Variants in KLF12 observed in about 807,000 individuals in gnomAD.
KLF12 encodes the protein Krueppel-like factor 12.
Under a neutral mutation model 37.8 loss-of-function variants are expected in KLF12, and 9 were observed. That is an observed-to-expected ratio of 0.24 (90% CI 0.14 to 0.42). The LOEUF is 0.42. Among genes scored for constraint, KLF12 ranks in the 10% least tolerant of loss-of-function variants. The pLI, the probability that KLF12 is intolerant of heterozygous loss-of-function variation, is 1.00. For synonymous variants in KLF12, 208 were observed against 202.1 expected, an observed-to-expected ratio of 1.03 and a Z score of -0.25; for missense variants, 411 against 516.0, an observed-to-expected ratio of 0.80 and a Z score of 1.97.
At chr13:74,035,024 T>C (rs1038009118) in intron 1 of KLF12, among the ~76,000 whole-genome samples, 4 of 152,222 alleles carry the variant, frequency 2.6e-5, no homozygotes, top group Admixed American at 2.6e-4. Flanking sequence ...TTTCCTGTTA[T>C]ATGCTAGCCT....
At chr13:74,217,311 CTTT>C in the KLF12 span, among the ~76,000 whole-genome samples, 2 of 144,854 alleles carry the variant, frequency 1.4e-5, no homozygotes, top group Admixed American at 6.9e-5. Context: ...TAATAGATGA[CTTT>C]TTTTTTTTTT....
At chr13:73,900,641 A>C (rs968677489) in intron 3 of KLF12, among the ~76,000 whole-genome samples, 1 of 152,170 alleles carries the variant, frequency 6.6e-6, no homozygotes, top group African/African-American at 2.4e-5. Context: ...TAAAAAAAAA[A>C]ACTAATCGTG....
chr13:73,995,000 T>C lies in KLF12; in HGVS notation c.23A>G (p.Lys8Arg). 6.2e-7 allele frequency: 1 copy of C among 1,603,060 alleles called. No individual in the cohort carries two copies. Among genetic ancestry groups the C allele is most frequent in the African/African-American group, 1.3e-5 (1 of 74,802 alleles). Residue 8 changes from lysine to arginine, a missense_variant, in exon 2 of 8, where the codon AAA becomes AGA. By Grantham distance (26) the Lys-to-Arg change is conservative. Transcript: ENST00000377669. ...ATCTGACTAACCAACCTTTATTGTTTTTCTCTTCATATGGATATTCATTCA... is the reference window on the plus strand; with the variant it reads ...ATCTGACTAACCAACCTTTATTGTTCTTCTCTTCATATGGATATTCATTCA...
chr13:73,755,936 C>G lies in KLF12; in HGVS notation c.869+9002G>C, dbSNP rs141388252. On this transcript the variant is annotated intron_variant, in intron 6 of 7. Coordinates refer to ENST00000377669, the MANE Select transcript of KLF12 (RefSeq NM_007249.5). ...TTGCTGCAAATGCTATTGTTTCATT[C>G]CTTTTTATGGCTGAGCAGCCTTCCA... is the stretch of plus-strand genomic sequence containing the variant. Among the ~76,000 whole-genome samples the G allele has an allele frequency of 3.3e-3, 507 of 152,260 alleles. 7 individuals carry two copies. The highest frequency in any genetic ancestry group is 0.012 in the African/African-American group (491 of 41,546).
At chr13:73,897,387 A>ACATATC (rs1310940762) in intron 3 of KLF12, among the ~76,000 whole-genome samples, 1 of 152,116 alleles carries the variant, frequency 6.6e-6, no homozygotes, top group Non-Finnish European at 1.5e-5. Context: ...TCTCTATTTG[A>ACATATC]CATATCCATG....
chr13:74,191,596 C>T, the KLF12 span, among the ~76,000 whole-genome samples: 11 of 152,208 alleles, frequency 7.2e-5, no homozygotes, highest in South Asian at 2.3e-3. Flanking sequence ...TAAATGGTCT[C>T]GGATTTTTCC....
intron 1 of KLF12, among the ~76,000 whole-genome samples, chr13:74,109,132 A>C (rs914282832): frequency 1.3e-5 from 2 of 152,210 alleles, no homozygotes; most frequent in African/African-American, 2.4e-5. Context: ...ATTTGAAAAA[A>C]AGTTGATAAA....
chr13:74,160,703 A>T, the KLF12 span, among the ~76,000 whole-genome samples: 1 of 152,150 alleles, frequency 6.6e-6, no homozygotes, highest in Non-Finnish European at 1.5e-5. Context: ...AAGGGAAGAA[A>T]CCTGTGGAGG....
the KLF12 span, among the ~76,000 whole-genome samples, chr13:74,255,707 T>A: frequency 0.041 from 6,306 of 152,274 alleles, 144 homozygotes; most frequent in Middle Eastern, 0.071. Flanking sequence ...TAAATAAGAT[T>A]GTTGTATATA....
Position 73,889,831 on chromosome 13 carries a change from A to G in KLF12, c.124-43458T>C, listed in dbSNP as rs1887416643. Among the ~76,000 whole-genome samples, 4 of 152,252 alleles carry G rather than the reference A, an allele frequency of 2.6e-5. No individual in the cohort carries two copies. The South Asian group carries it at 8.3e-4, about 32-fold the overall frequency. On this transcript the variant is annotated intron_variant, in intron 3 of 7. Coordinates refer to ENST00000377669, the MANE Select transcript of KLF12 (RefSeq NM_007249.5). ...CATTTGTTTAGAATATTACAAAATAAAAGGAACTAAATATAACCATGCTTT... is the reference window on the plus strand; with the variant it reads ...CATTTGTTTAGAATATTACAAAATAGAAGGAACTAAATATAACCATGCTTT...
At chr13:73,792,459 C>T (rs1881743850) in intron 5 of KLF12, among the ~76,000 whole-genome samples, 2 of 152,078 alleles carry the variant, frequency 1.3e-5, no homozygotes, top group Non-Finnish European at 2.9e-5. Context: ...TCAAGATTTA[C>T]TGAAATTCAC....
intron 5 of KLF12, chr13:73,802,191 G>A (rs1882313803): frequency 6.6e-6 from 1 of 151,838 alleles, no homozygotes; most frequent in African/African-American, 2.4e-5. Context: ...AGCAACATCT[G>A]TGTAGTAGCT....
intron 3 of KLF12, among the ~76,000 whole-genome samples, chr13:73,906,713 C>T (rs1005682530): frequency 3.9e-5 from 6 of 152,176 alleles, no homozygotes; most frequent in African/African-American, 1.4e-4. Context: ...CCTACCTCCT[C>T]ATCAAGTTGG....
chr13:73,898,887 G>C (rs972745507), intron 3 of KLF12, among the ~76,000 whole-genome samples: 1 of 152,198 alleles, frequency 6.6e-6, no homozygotes, highest in East Asian at 1.9e-4. Flanking sequence ...CCCTCCTTAC[G>C]GCATTACAAT....
chr13:74,165,199 TTAAAAA>T, the KLF12 span, among the ~76,000 whole-genome samples: 1 of 152,142 alleles, frequency 6.6e-6, no homozygotes, highest in Admixed American at 6.5e-5. Context: ...CCCATAAAAA[TTAAAAA>T]TTAAAAAGTT....
chr13:73,733,683 T>C (rs1877239396), intron 6 of KLF12, among the ~76,000 whole-genome samples: 1 of 152,154 alleles, frequency 6.6e-6, no homozygotes, highest in African/African-American at 2.4e-5. Flanking sequence ...TACCCAGAAA[T>C]GGAATTGCTG....
intron 1 of KLF12, among the ~76,000 whole-genome samples, chr13:74,011,283 T>C (rs1216712727): frequency 7.0e-6 from 1 of 143,640 alleles, no homozygotes; most frequent in African/African-American, 2.6e-5. Flanking sequence ...ATTGGAACAG[T>C]ATAAAATTTC....
At chr13:73,867,437 T>TACATATG (rs1223044675) in intron 3 of KLF12, among the ~76,000 whole-genome samples, 2 of 151,764 alleles carry the variant, frequency 1.3e-5, no homozygotes, top group Non-Finnish European at 2.9e-5. Flanking sequence ...TATACACACA[T>TACATATG]ACATATGACA....
intron 5 of KLF12, among the ~76,000 whole-genome samples, chr13:73,799,501 T>TAC (rs60975302): frequency 1.7e-4 from 2 of 11,878 alleles, no homozygotes; most frequent in African/African-American, 2.9e-4. Context: ...ATTCAATAAC[T>TAC]GTGGGCTTTC....
Sources: allele counts gnomAD v4.1 joint callset (sites outside exome capture counted in the v4.1 genomes callset), GRCh38; gene constraint gnomAD v4.1.1; transcripts MANE v1.5; gene names NCBI Gene and HGNC (gene_info 2026-07-23, HGNC 2026-07-21).